Variants in NEK5 observed in about 807,000 individuals in gnomAD.
NEK5 encodes serine/threonine-protein kinase Nek5.
NEK5 carries 88 observed loss-of-function variants against 109.2 expected under a neutral mutation model. That is an observed-to-expected ratio of 0.81 (90% CI 0.68 to 0.96). The LOEUF (loss-of-function observed/expected upper bound fraction) is 0.96, where lower values mean the gene tolerates loss of function less well. Ranked by LOEUF, NEK5 falls within the 40% of genes least tolerant of loss-of-function variation. NEK5 has a pLI of 0.00. For missense variants in NEK5, 834 were observed against 920.7 expected, an observed-to-expected ratio of 0.91 and a Z score of 1.22; for synonymous variants, 283 against 299.9, an observed-to-expected ratio of 0.94 and a Z score of 0.58.
intron 22 of NEK5, among the ~76,000 whole-genome samples, chr13:52,061,279 G>A (rs1566737564): frequency 6.6e-6 from 1 of 152,198 alleles, no homozygotes; most frequent in Non-Finnish European, 1.5e-5. Context: ...ACAGGAGGCA[G>A]AGCTCAGGCA....
At chr13:52,113,274 A>G (rs370707680) in intron 4 of NEK5, among the ~76,000 whole-genome samples, 3 of 152,346 alleles carry the variant, frequency 2.0e-5, no homozygotes, top group African/African-American at 7.2e-5. Context: ...CATAACTTAC[A>G]TAAGAAAGAA....
intron 14 of NEK5, among the ~76,000 whole-genome samples, chr13:52,087,912 A>AC (rs1955187274): frequency 7.0e-6 from 1 of 142,980 alleles, no homozygotes; most frequent in Non-Finnish European, 1.5e-5. Context: ...GGCATGAGCC[A>AC]TCAAGCCCAG....
Position 52,103,711 on chromosome 13 carries a change from A to T in NEK5, c.609+787T>A, listed in dbSNP as rs184408354. On this transcript the variant is annotated intron_variant, in intron 9 of 23. Coordinates refer to ENST00000684899, the MANE Select transcript of NEK5 (RefSeq NM_001365552.1). ...CGGGCTTTCTTTCCAGGAGTCTGGAAGTTTGGCATATGCCAGGTAGAGGGT... is the reference window on the plus strand; with the variant it reads ...CGGGCTTTCTTTCCAGGAGTCTGGATGTTTGGCATATGCCAGGTAGAGGGT... Among the ~76,000 whole-genome samples, 62 of 152,318 alleles carry T rather than the reference A, an allele frequency of 4.1e-4. No homozygotes were observed. In the East Asian group the frequency reaches 5.8e-3, roughly 14 times the overall value.
At chr13:52,092,192 A>G (rs1169623746) in intron 13 of NEK5, among the ~76,000 whole-genome samples, 2 of 152,004 alleles carry the variant, frequency 1.3e-5, no homozygotes, top group East Asian at 1.9e-4. Flanking sequence ...TTACTTATCA[A>G]TTGTAATAAT....
chr13:52,063,996 TGG>T (rs367747989), intron 21 of NEK5, among the ~76,000 whole-genome samples: 63,324 of 97,740 alleles, frequency 0.65, 20,540 homozygotes, highest in Middle Eastern at 0.78. Context: ...GGGAGGGAGG[TGG>T]GGGGGGGGGT....
intron 22 of NEK5, among the ~76,000 whole-genome samples, chr13:52,061,233 A>G (rs1352596632): frequency 6.6e-6 from 1 of 152,130 alleles, no homozygotes; most frequent in Non-Finnish European, 1.5e-5. Context: ...AATAGGGTTC[A>G]TGCTCCCATG....
At chr13:52,116,561 A>C (rs1475261096) in intron 4 of NEK5, among the ~76,000 whole-genome samples, 1 of 152,232 alleles carries the variant, frequency 6.6e-6, no homozygotes, top group Non-Finnish European at 1.5e-5. Context: ...CACAGATAAC[A>C]GTCCCAGCTG....
intron 12 of NEK5, among the ~76,000 whole-genome samples, chr13:52,094,367 G>C (rs1955358835): frequency 6.6e-6 from 1 of 152,156 alleles, no homozygotes. Context: ...CTAATAGTTG[G>C]GAATATGAAT....
intron 22 of NEK5, among the ~76,000 whole-genome samples, chr13:52,051,469 G>T (rs1423851660): frequency 6.6e-6 from 1 of 152,172 alleles, no homozygotes; most frequent in Non-Finnish European, 1.5e-5. Flanking sequence ...GGAGTACAAA[G>T]AGTCATGGGC....
intron 3 of NEK5, among the ~76,000 whole-genome samples, chr13:52,119,982 G>A (rs9568712): frequency 1.3e-5 from 2 of 152,118 alleles, no homozygotes; most frequent in African/African-American, 4.8e-5. Context: ...TTTGGTGCCA[G>A]TACCAGTGGC....
chr13:52,116,511 T>C (rs1006922212), intron 4 of NEK5, among the ~76,000 whole-genome samples: 2 of 152,052 alleles, frequency 1.3e-5, no homozygotes, highest in Admixed American at 6.5e-5. Flanking sequence ...GTAAATGAAA[T>C]CTATAACAAC....
At chr13:52,070,644 G>T (rs1373659390) in intron 20 of NEK5, among the ~76,000 whole-genome samples, 2 of 152,182 alleles carry the variant, frequency 1.3e-5, no homozygotes. Context: ...CAGCCATGTG[G>T]AACTGTAAGT....
intron 4 of NEK5, among the ~76,000 whole-genome samples, chr13:52,116,274 C>T (rs1955856740): frequency 6.6e-6 from 1 of 151,862 alleles, no homozygotes; most frequent in Non-Finnish European, 1.5e-5. Context: ...TTTTCACTGC[C>T]TAAATAATTT....
intron 22 of NEK5, among the ~76,000 whole-genome samples, chr13:52,058,523 G>T (rs2137725339): frequency 6.6e-6 from 1 of 152,014 alleles, no homozygotes; most frequent in Admixed American, 6.6e-5. Flanking sequence ...GAACAAAGCT[G>T]GAGGCATCAC....
chr13:52,064,503 G>A (rs1424343226), intron 21 of NEK5, among the ~76,000 whole-genome samples: 1 of 147,660 alleles, frequency 6.8e-6, no homozygotes, highest in African/African-American at 2.5e-5. Context: ...GAGGTGGGGG[G>A]GTCAGCCCCC....
rs373786665 is a variant in NEK5, at chr13:52,087,375, T to G, written c.1355A>C (p.Gln452Pro). 45 of 1,609,732 alleles carry G rather than the reference T, an allele frequency of 2.8e-5. No individual in the cohort carries two copies. Among genetic ancestry groups the G allele is most frequent in the Non-Finnish European group, 3.7e-5 (43 of 1,176,408 alleles). The change falls in exon 15 of 24, where the codon CAG (glutamine) becomes CCG (proline). Residue 452 changes from glutamine (Q) to proline (P), a missense_variant. Gln to Pro is a moderately conservative substitution (Grantham distance 76, BLOSUM62 -1). Coordinates refer to ENST00000684899, the MANE Select transcript of NEK5 (RefSeq NM_001365552.1). ...LRSNGEEPRF[Q>P]ELPFRKNEMK... ...TTCGTTTTTCCTAAATGGCAGCTCC[T>G]GGAATCTAGGCTCTTCTCCATTACT...
At chr13:52,070,659 T>C (rs1317475256) in intron 20 of NEK5, among the ~76,000 whole-genome samples, 2 of 152,360 alleles carry the variant, frequency 1.3e-5, no homozygotes, top group East Asian at 3.9e-4. Context: ...GTAAGTCCAA[T>C]TAAACCTCTT....
At chr13:52,080,281 C>T (rs1954973904) in intron 17 of NEK5, among the ~76,000 whole-genome samples, 1 of 149,938 alleles carries the variant, frequency 6.7e-6, no homozygotes, top group East Asian at 2.0e-4. Context: ...GGGGTCAGCC[C>T]CCCGCCCGGC....
chr13:52,078,425 T>C (rs1384222049), intron 17 of NEK5, among the ~76,000 whole-genome samples: 3 of 151,934 alleles, frequency 2.0e-5, no homozygotes, highest in Admixed American at 2.0e-4. Context: ...GTAGGGAGAA[T>C]AAGAGAGAGG....
Sources: gnomAD v4.1 joint callset for allele counts (sites outside exome capture counted in the v4.1 genomes callset) on GRCh38, gnomAD v4.1.1 for gene constraint, MANE v1.5 for transcripts, NCBI Gene and HGNC (gene_info 2026-07-23, HGNC 2026-07-21) for gene names.